Variants in DCLK2 observed in about 807,000 individuals in gnomAD.
The protein encoded by DCLK2 is doublecortin like kinase 2, also known as serine/threonine-protein kinase DCLK2.
A neutral mutation model predicts 78.4 loss-of-function variants in DCLK2; 31 were observed. The observed-to-expected ratio is 0.40, with a 90% CI of 0.30 to 0.53. DCLK2 has a LOEUF of 0.53. DCLK2 is among the 20% of genes least tolerant of loss of function. The pLI is 0.61. For missense variants in DCLK2, 872 were observed against 973.7 expected, an observed-to-expected ratio of 0.90 and a Z score of 1.39; for synonymous variants, 407 against 374.9, an observed-to-expected ratio of 1.09 and a Z score of -0.99.
At chr4:150,243,875 T>G (rs987375355) in intron 12 of DCLK2, among the ~76,000 whole-genome samples, 12 of 151,460 alleles carry the variant, frequency 7.9e-5, no homozygotes, top group African/African-American at 2.9e-4. Context: ...CTTTTTTTTT[T>G]TTTTTTTTGG....
chr4:150,118,869 C>G (rs1732304756), intron 2 of DCLK2, among the ~76,000 whole-genome samples: 1 of 151,936 alleles, frequency 6.6e-6, no homozygotes. Flanking sequence ...ACTAAAAATA[C>G]AAAAATTAGC....
At chr4:150,220,674 G>T in intron 5 of DCLK2, 29 bp from the exon 6 acceptor site, 1 of 1,584,330 alleles carries the variant, frequency 6.3e-7, no homozygotes, top group Non-Finnish European at 8.7e-7. Context: ...AAATTATCCT[G>T]ATAAATAATG....
At position 150,215,120 on chromosome 4, in the gene DCLK2, T is replaced by A. The variant is rs1469889374; in HGVS notation, c.1057-5583T>A. 3.9e-5 allele frequency among the ~76,000 whole-genome samples: 6 copies of A among 152,250 alleles called. No homozygotes were observed. In the East Asian group the frequency reaches 7.7e-4, roughly 20 times the overall value. ...AAGTTTGTCCTTTTATTAAAAAAAA[T>A]GAAATATTAAGGAAAATCTTTCTCA... On this transcript the variant is annotated intron_variant, in intron 5 of 15. Transcript: ENST00000296550.
intron 1 of DCLK2, among the ~76,000 whole-genome samples, chr4:150,099,848 G>A (rs1411981758): frequency 1.3e-5 from 2 of 152,152 alleles, no homozygotes. Flanking sequence ...TGTTAACCTT[G>A]TAGGCATTTG....
chr4:150,221,798 T>C lies in DCLK2; in HGVS notation c.1241+13T>C, dbSNP rs763830860. The stretch of plus-strand genomic sequence containing the variant: ...AGTGTATAGACAGGTGAGTGGACAG[T>C]GAGGATAATTAATGAATAATGAAAA... On this transcript the variant is annotated intron_variant, in intron 7 of 15. Transcript: ENST00000296550. 7.1e-7 allele frequency: 1 copy of C among 1,411,562 alleles called. No individual in the cohort carries two copies. The highest frequency in any genetic ancestry group is 9.8e-7 in the Non-Finnish European group (1 of 1,020,048). The allele number at this position is 1,411,562 out of a possible 1,614,324, so 87.4% of individuals were successfully genotyped here.
At chr4:150,253,097 G>C (rs878941527) in intron 15 of DCLK2, among the ~76,000 whole-genome samples, 1 of 146,660 alleles carries the variant, frequency 6.8e-6, no homozygotes, top group South Asian at 2.1e-4. Context: ...CATCCTCCTC[G>C]TCCTCCTCAT....
intron 1 of DCLK2, among the ~76,000 whole-genome samples, chr4:150,090,737 C>T (rs974713018): frequency 3.3e-5 from 5 of 151,928 alleles, no homozygotes; most frequent in Non-Finnish European, 7.4e-5. Flanking sequence ...CATAGATATT[C>T]GTAGGGTCAA....
At chr4:150,118,982 G>A (rs187706779) in intron 2 of DCLK2, among the ~76,000 whole-genome samples, 178 of 152,106 alleles carry the variant, frequency 1.2e-3, no homozygotes, top group African/African-American at 3.8e-3. Context: ...CTGAGATCAC[G>A]CCACTGCACT....
At chr4:150,254,846 AT>A (rs985729036) in intron 15 of DCLK2, among the ~76,000 whole-genome samples, 23 of 152,116 alleles carry the variant, frequency 1.5e-4, no homozygotes, top group Non-Finnish European at 3.2e-4. Context: ...TGCCCGGCTA[AT>A]TTTTAAATTC....
At chr4:150,110,022 G>T (rs936189787) in intron 2 of DCLK2, among the ~76,000 whole-genome samples, 3 of 152,146 alleles carry the variant, frequency 2.0e-5, no homozygotes, top group Admixed American at 6.5e-5. Flanking sequence ...TTTGATATCC[G>T]TTGTAAAGCA....
At chr4:150,246,047 CT>C (rs35501963) in intron 12 of DCLK2, among the ~76,000 whole-genome samples, 84,578 of 143,590 alleles carry the variant, frequency 0.59, 24,921 homozygotes, top group South Asian at 0.79. Context: ...AAACTCTACT[CT>C]TTTTTTTTTT....
chr4:150,180,807 A>G (rs1017948084), intron 2 of DCLK2, among the ~76,000 whole-genome samples: 5 of 152,144 alleles, frequency 3.3e-5, no homozygotes, highest in Non-Finnish European at 5.9e-5. Context: ...CCTTTTCCCC[A>G]AGGCCAGCCA....
At chr4:150,116,318 C>T (rs1370808847) in intron 2 of DCLK2, among the ~76,000 whole-genome samples, 7 of 152,332 alleles carry the variant, frequency 4.6e-5, no homozygotes, top group South Asian at 4.1e-4. Flanking sequence ...CAAGATCCTT[C>T]ACAAGCACCA....
At chr4:150,114,666 A>G (rs534190961) in intron 2 of DCLK2, among the ~76,000 whole-genome samples, 93 of 152,338 alleles carry the variant, frequency 6.1e-4, no homozygotes, top group African/African-American at 2.0e-3. Flanking sequence ...GCTGGATTCA[A>G]AATTCTTGGC....
chr4:150,220,083 T>G (rs1417798602), intron 5 of DCLK2, among the ~76,000 whole-genome samples: 1 of 152,044 alleles, frequency 6.6e-6, no homozygotes, highest in African/African-American at 2.4e-5. Context: ...GTGGTGGCCG[T>G]GGGTGGGGAA....
chr4:150,190,256 T>C (rs56000612), intron 2 of DCLK2, among the ~76,000 whole-genome samples: 4,160 of 36,130 alleles, frequency 0.12, 128 homozygotes, highest in Non-Finnish European at 0.24. Flanking sequence ...GATAGATAGA[T>C]AGATAGATAG....
intron 2 of DCLK2, among the ~76,000 whole-genome samples, chr4:150,172,628 A>G (rs1736625391): frequency 6.7e-6 from 1 of 150,268 alleles, no homozygotes; most frequent in Non-Finnish European, 1.5e-5. Context: ...AAAAAAAAAA[A>G]AGAAATCCAT....
intron 12 of DCLK2, among the ~76,000 whole-genome samples, chr4:150,245,839 G>A (rs1462003799): frequency 1.3e-5 from 2 of 152,152 alleles, no homozygotes; most frequent in Non-Finnish European, 2.9e-5. Context: ...CATTGTGGAA[G>A]ACAGGGTGGC....
chr4:150,174,546 G>C (rs1275562007), intron 2 of DCLK2, among the ~76,000 whole-genome samples: 2 of 152,052 alleles, frequency 1.3e-5, no homozygotes, highest in Non-Finnish European at 2.9e-5. Flanking sequence ...ACCTGAGGCC[G>C]GGCACAGTGG....
Sources: gnomAD v4.1 joint callset for allele counts (sites outside exome capture counted in the v4.1 genomes callset) on GRCh38, gnomAD v4.1.1 for gene constraint, MANE v1.5 for transcripts, NCBI Gene and HGNC (gene_info 2026-07-23, HGNC 2026-07-21) for gene names.